Variants in RIMKLB observed in about 807,000 individuals in gnomAD.
The protein encoded by RIMKLB is ribosomal modification protein rimK like family member B, also known as beta-citrylglutamate synthase B.
RIMKLB carries 7 observed loss-of-function variants against 32.0 expected under a neutral mutation model. That is an observed-to-expected ratio of 0.22 (90% confidence interval 0.12 to 0.41). RIMKLB has a LOEUF of 0.41. Ranked by LOEUF, RIMKLB falls within the 10% of genes least tolerant of loss-of-function variation. RIMKLB has a pLI of 1.00. For synonymous variants in RIMKLB, 172 were observed against 185.1 expected (o/e 0.93, Z 0.57); for missense variants, 289 against 498.7 (o/e 0.58, Z 4.00).
At position 8,765,428 on chromosome 12, in the gene RIMKLB, C is replaced by T. The variant is rs369226379; in HGVS notation, c.698-7893C>T. 2.0e-5 allele frequency among the ~76,000 whole-genome samples: 3 copies of T among 152,258 alleles called. No individual in the cohort carries two copies. The East Asian group carries it at 5.8e-4, about 29-fold the overall frequency. On this transcript the variant is annotated intron_variant, in intron 5 of 5. Coordinates refer to ENST00000535829, the MANE Select transcript of RIMKLB (RefSeq NM_001297776.2). ...GACCTGACTGAGATACCAGAGATCACCAAACTCTCGGGCTGCAGTTATGGC... is the reference window on the plus strand; with the variant it reads ...GACCTGACTGAGATACCAGAGATCATCAAACTCTCGGGCTGCAGTTATGGC...
chr12:8,768,595 A>G (rs1950161143), intron 5 of RIMKLB, among the ~76,000 whole-genome samples: 1 of 152,184 alleles, frequency 6.6e-6, no homozygotes. Flanking sequence ...GTCTTTTCCT[A>G]GGGCATTCTA....
upstream of RIMKLB, among the ~76,000 whole-genome samples, chr12:8,677,911 C>T (rs1324624235): frequency 6.6e-6 from 1 of 150,556 alleles, no homozygotes. Context: ...CGCCACCATG[C>T]CTGGCTAATT....
At chr12:8,766,245 G>A (rs1487420052) in intron 5 of RIMKLB, among the ~76,000 whole-genome samples, 1 of 151,944 alleles carries the variant, frequency 6.6e-6, no homozygotes, top group Non-Finnish European at 1.5e-5. Context: ...TCTGCTTATC[G>A]GATTAGTTAC....
chr12:8,746,598 C>CAA (rs1185862870), intron 2 of RIMKLB, among the ~76,000 whole-genome samples: 140 of 54,892 alleles, frequency 2.6e-3, no homozygotes, highest in East Asian at 0.022. Context: ...GACTCTGTCT[C>CAA]AAAAAAAAAA....
chr12:8,714,038 C>T lies in RIMKLB; in HGVS notation c.172C>T (p.Leu58=), dbSNP rs765324243. The T allele has an allele frequency of 6.2e-7, 1 of 1,613,670 alleles. No homozygotes were observed. Among genetic ancestry groups the T allele is most frequent in the South Asian group, 1.1e-5 (1 of 91,054 alleles). ...EVVLTIEQGN[L]GLRINGELIT... Reference sequence around the variant, plus strand: ...GGTGCTGACAATCGAGCAAGGAAACCTGGGTAAGTCTGTATACTAAGTGAT... The same window carrying T: ...GGTGCTGACAATCGAGCAAGGAAACTTGGGTAAGTCTGTATACTAAGTGAT... Residue 58 remains leucine (L), a synonymous_variant, in exon 2 of 6, where the codon CTG becomes TTG. Transcript: ENST00000535829.
chr12:8,691,284 C>G (rs1171444625), intron 1 of RIMKLB, among the ~76,000 whole-genome samples: 1 of 152,078 alleles, frequency 6.6e-6, no homozygotes, highest in Non-Finnish European at 1.5e-5. Flanking sequence ...TGCCACCACA[C>G]TTGGCCAAAT....
Position 8,719,251 on chromosome 12 carries a change from T to G in RIMKLB, c.175+5210T>G, listed in dbSNP as rs1945193304. On this transcript the variant is annotated intron_variant, in intron 2 of 5. Transcript: ENST00000535829. ...CTGGCTTGAGAGCTCATTTCTTCTA[T>G]TGTATAATTATATTTCATTGCCTTC... Among the ~76,000 whole-genome samples, 3 of 152,232 alleles carry G rather than the reference T, an allele frequency of 2.0e-5. No homozygotes were observed. The South Asian group carries it at 6.2e-4, about 31-fold the overall frequency.
chr12:8,743,673 T>A (rs1210083817), intron 2 of RIMKLB, among the ~76,000 whole-genome samples: 2 of 151,806 alleles, frequency 1.3e-5, no homozygotes, highest in Non-Finnish European at 2.9e-5. Context: ...AATCAGCCCT[T>A]AACACTGTCA....
chr12:8,698,712 C>CG (rs1424888319), intron 1 of RIMKLB, among the ~76,000 whole-genome samples: 17 of 146,434 alleles, frequency 1.2e-4, no homozygotes, highest in Non-Finnish European at 7.6e-5. Context: ...CCCCCTCCCC[C>CG]CCCTTCCCAC....
chr12:8,763,654 C>T (rs1317971999), intron 5 of RIMKLB, among the ~76,000 whole-genome samples: 1 of 152,242 alleles, frequency 6.6e-6, no homozygotes, highest in African/African-American at 2.4e-5. Flanking sequence ...GTTTGGAAAC[C>T]TTGTAGCCAC....
upstream of RIMKLB, among the ~76,000 whole-genome samples, chr12:8,692,348 T>C (rs1942756669): frequency 6.6e-6 from 1 of 152,254 alleles, no homozygotes; most frequent in South Asian, 2.1e-4. Context: ...GCTCAAACTT[T>C]CATGTGTCTA....
At chr12:8,730,690 A>G (rs760746044) in intron 2 of RIMKLB, among the ~76,000 whole-genome samples, 3 of 152,336 alleles carry the variant, frequency 2.0e-5, no homozygotes, top group African/African-American at 7.2e-5. Flanking sequence ...GGGTAGGGCA[A>G]GGGTGAATAA....
chr12:8,697,717 C>A, upstream of RIMKLB: 1 of 273,786 alleles, frequency 3.7e-6, no homozygotes, highest in Non-Finnish European at 8.0e-6. Flanking sequence ...CGCCTCTCTT[C>A]CCCCGAGGCC....
upstream of RIMKLB, among the ~76,000 whole-genome samples, chr12:8,692,370 G>C (rs956951538): frequency 5.9e-5 from 9 of 152,204 alleles, no homozygotes; most frequent in African/African-American, 2.2e-4. Flanking sequence ...AGATCATTTA[G>C]TATGCTTATT....
upstream of RIMKLB, among the ~76,000 whole-genome samples, chr12:8,694,228 G>A (rs144381304): frequency 0.011 from 1,597 of 151,864 alleles, 27 homozygotes; most frequent in African/African-American, 0.037. Context: ...GCCAGACTCC[G>A]TCTCAAAAAA....
the RIMKLB span, among the ~76,000 whole-genome samples, chr12:8,671,141 T>C: frequency 6.6e-6 from 1 of 152,202 alleles, no homozygotes; most frequent in East Asian, 1.9e-4. Flanking sequence ...GTCTCTGACA[T>C]GGCCCGGAGA....
At chr12:8,746,981 T>C (rs1948154086) in intron 2 of RIMKLB, among the ~76,000 whole-genome samples, 1 of 152,104 alleles carries the variant, frequency 6.6e-6, no homozygotes, top group African/African-American at 2.4e-5. Context: ...TCTCAAGCAA[T>C]CCTTTTCCCT....
At chr12:8,744,149 G>A (rs1204396591) in intron 2 of RIMKLB, among the ~76,000 whole-genome samples, 1 of 151,970 alleles carries the variant, frequency 6.6e-6, no homozygotes, top group African/African-American at 2.4e-5. Flanking sequence ...TATTTGGTGA[G>A]TGCTCAAGAG....
At chr12:8,710,689 T>C (rs1307632037) in intron 1 of RIMKLB, among the ~76,000 whole-genome samples, 1 of 152,186 alleles carries the variant, frequency 6.6e-6, no homozygotes, top group Admixed American at 6.5e-5. Flanking sequence ...GGAACACTGT[T>C]GTAGCCCATG....
Sources: allele counts gnomAD v4.1 joint callset (sites outside exome capture counted in the v4.1 genomes callset), GRCh38; gene constraint gnomAD v4.1.1; transcripts MANE v1.5; gene names NCBI Gene and HGNC (gene_info 2026-07-23, HGNC 2026-07-21).